TRMT61A: variants seen among roughly 807,000 people sequenced by gnomAD.
TRMT61A encodes tRNA methyltransferase 61A, also known as tRNA (adenine(58)-N(1))-methyltransferase catalytic subunit TRMT61A.
TRMT61A carries 15 observed loss-of-function variants against 21.3 expected under a neutral mutation model. That is an observed-to-expected ratio of 0.70 (90% CI 0.47 to 1.08). The LOEUF is 1.08. Among genes scored for constraint, TRMT61A ranks in the 50% least tolerant of loss-of-function variants. The probability of loss-of-function intolerance (pLI) is 0.00; values close to 1 mark genes in which losing one functional copy is unlikely to be tolerated. For missense variants in TRMT61A, 352 were observed against 426.7 expected (o/e 0.83, Z 1.54); for synonymous variants, 183 against 185.5 (o/e 0.99, Z 0.11).
chr14:103,532,916 C>G, intron 3 of TRMT61A, 68 bp downstream of exon 3: 1 of 1,482,624 alleles, frequency 6.7e-7, no homozygotes, highest in Non-Finnish European at 9.0e-7. Flanking sequence ...GACTGAGCTC[C>G]TGGGATCTCA....
At position 103,535,266 on chromosome 14, in the gene TRMT61A, C is replaced by T. The variant is rs2075969945; in HGVS notation, c.*445C>T. 2.2e-6 allele frequency: 1 copy of T among 453,290 alleles called. No individual in the cohort carries two copies. Among genetic ancestry groups the T allele is most frequent in the South Asian group, 1.6e-5 (1 of 63,398 alleles). 28.1% of individuals were successfully genotyped at this position (453,290 alleles called of 1,614,324 possible). ...CCACGGGGCCTGAGACCATCTCGTG[C>T]TTCTCCAGTCCCCGGGCCGAGGCTC... On this transcript the variant is annotated 3_prime_UTR_variant, in exon 4 of 4. Coordinates refer to ENST00000389749, the MANE Select transcript of TRMT61A (RefSeq NM_152307.3).
At position 103,536,451 on chromosome 14, in the gene TRMT61A, T is replaced by G. The variant is rs1486495780; in HGVS notation, c.*1630T>G. The G allele has an allele frequency of 6.6e-6, 1 of 152,270 alleles. No individual in the cohort carries two copies. Among genetic ancestry groups the G allele is most frequent in the African/African-American group, 2.4e-5 (1 of 41,442 alleles). The allele number at this position is 152,270 out of a possible 1,614,324, so 9.4% of individuals were successfully genotyped here. A position where few individuals can be genotyped will look rare whatever the true frequency, so the allele number is the denominator to read the frequency against. ...AGTTGCTCAGCCCTGCTCCGAGGGC[T>G]TGTCCTCTCCTTCCAGGACCCAGCT... On this transcript the variant is annotated 3_prime_UTR_variant, in exon 4 of 4. Transcript: ENST00000389749.
At position 103,534,660 on chromosome 14, in the gene TRMT61A, G is replaced by C; in HGVS notation, c.709G>C (p.Val237Leu). The change falls in exon 4 of 4, where the codon GTC becomes CTC. Residue 237 changes from valine to leucine, a missense_variant. Transcript: ENST00000389749. ...GAGCACCCTGGAGGTGCTGCCACAG[G>C]TCTACAACGTGCGCACTGTCAGCCT... ...ELSTLEVLPQVYNVRTVSLPP... is the reference protein window; with the variant it reads ...ELSTLEVLPQLYNVRTVSLPP... The C allele has an allele frequency of 6.2e-7, 1 of 1,611,210 alleles. No homozygotes were observed. The highest frequency in any genetic ancestry group is 8.5e-7 in the Non-Finnish European group (1 of 1,179,714).
rs561568871 is a variant in TRMT61A, at chr14:103,534,622, G to T, written c.671G>T (p.Gly224Val). 4 of 1,606,992 alleles carry T rather than the reference G, an allele frequency of 2.5e-6. No individual in the cohort carries two copies. In the African/African-American group the frequency reaches 5.3e-5, roughly 21 times the overall value. The change falls in exon 4 of 4, where the codon GGC (glycine) becomes GTC (valine). Residue 224 changes from glycine to valine, a missense_variant. Coordinates refer to ENST00000389749, the MANE Select transcript of TRMT61A (RefSeq NM_152307.3). Reference protein sequence around the residue: ...QRTCQALAARGFSELSTLEVL... With the variant: ...QRTCQALAARVFSELSTLEVL... Reference sequence around the variant, plus strand: ...ACATGCCAGGCGCTGGCAGCGCGCGGCTTCTCAGAGCTGAGCACCCTGGAG... The same window carrying T: ...ACATGCCAGGCGCTGGCAGCGCGCGTCTTCTCAGAGCTGAGCACCCTGGAG...
chr14:103,532,348 G>A (rs2142239741), intron 2 of TRMT61A, among the ~76,000 whole-genome samples: 1 of 152,170 alleles, frequency 6.6e-6, no homozygotes, highest in East Asian at 1.9e-4. Context: ...AGACAGCACG[G>A]CATACACAGC....
chr14:103,529,876 G>A (rs2075947601), intron 1 of TRMT61A, 74 bp from the exon 2 acceptor site: 1 of 1,186,914 alleles, frequency 8.4e-7, no homozygotes, highest in Non-Finnish European at 1.2e-6. Context: ...TGTAGGCCTC[G>A]AAGCCTTCTA....
In TRMT61A at chr14:103,530,158, C is replaced by T. The variant is rs755843586; in HGVS notation, c.180C>T (p.Cys60=). The T allele has an allele frequency of 2.0e-5, 32 of 1,612,600 alleles. 1 individual carries two copies. In the South Asian group the frequency reaches 3.1e-4, roughly 15 times the overall value. ...GCCCCTTCGGCTCCAAGGTGACGTG[C>T]GGCCGAGGTGGCTGGGTGTATGTGC... ...IGRPFGSKVT[C]GRGGWVYVLH... Residue 60 remains cysteine (C), a synonymous_variant, in exon 2 of 4, where the codon TGC becomes TGT. Coordinates refer to ENST00000389749, the MANE Select transcript of TRMT61A (RefSeq NM_152307.3).
chr14:103,533,263 G>A (rs528455209), intron 3 of TRMT61A, among the ~76,000 whole-genome samples: 1 of 152,346 alleles, frequency 6.6e-6, no homozygotes, highest in South Asian at 2.1e-4. Context: ...GGGAAGGTCG[G>A]GCCTCAAGCC....
chr14:103,530,421 C>G, intron 2 of TRMT61A, 112 bp downstream of exon 2: 1 of 976,778 alleles, frequency 1.0e-6, no homozygotes, highest in Non-Finnish European at 1.5e-6. Context: ...TTTCTATTTT[C>G]ACATCTTTCC....
chr14:103,534,726 G>A lies in TRMT61A; in HGVS notation c.775G>A (p.Gly259Ser), dbSNP rs763853129. 9.4e-6 allele frequency: 15 copies of A among 1,603,770 alleles called. No individual in the cohort carries two copies. Among genetic ancestry groups the A allele is most frequent in the Middle Eastern group, 1.6e-4 (1 of 6,072 alleles). ...GGGCACAGGCACAGATGGCCCTGCC[G>A]GCTCCGACACCAGCCCCTTCCGCAG... Reference protein sequence around the residue: ...DLGTGTDGPAGSDTSPFRSGT... With the variant: ...DLGTGTDGPASSDTSPFRSGT... Residue 259 changes from glycine to serine, a missense_variant, in exon 4 of 4, where the codon GGC (glycine) becomes AGC (serine). Gly to Ser is a moderately conservative substitution (Grantham distance 56). Coordinates refer to ENST00000389749, the MANE Select transcript of TRMT61A (RefSeq NM_152307.3).
In TRMT61A at chr14:103,533,358, G is replaced by A. The variant is rs567176226; in HGVS notation, c.598+510G>A. On this transcript the variant is annotated intron_variant, in intron 3 of 3. Transcript: ENST00000389749. ...AGCAGGGGCCCCTTCCTTCTTCCCA[G>A]CTGAGAGTTGTATTCTGAGAGGGTT... is the stretch of plus-strand genomic sequence containing the variant. Among the ~76,000 whole-genome samples the A allele has an allele frequency of 1.1e-4, 16 of 152,212 alleles. No individual in the cohort carries two copies. The South Asian group carries it at 3.1e-3, about 30-fold the overall frequency.
At chr14:103,529,629 G>A (rs996226141) in intron 1 of TRMT61A, among the ~76,000 whole-genome samples, 1 of 152,252 alleles carries the variant, frequency 6.6e-6, no homozygotes, top group East Asian at 1.9e-4. Flanking sequence ...TCAAGCTCCT[G>A]GAGAAGGGTG....
chr14:103,529,439 C>T (rs986714083), intron 1 of TRMT61A, among the ~76,000 whole-genome samples, 178 bp downstream of exon 1: 3 of 152,388 alleles, frequency 2.0e-5, no homozygotes, highest in Admixed American at 6.5e-5. Flanking sequence ...CTCCGCGTCC[C>T]CAGCCCCTTA....
At position 103,531,113 on chromosome 14, in the gene TRMT61A, C is replaced by T. The variant is rs1230684213; in HGVS notation, c.331+804C>T. 3.9e-5 allele frequency among the ~76,000 whole-genome samples: 6 copies of T among 152,294 alleles called. No individual in the cohort carries two copies. The highest frequency in any genetic ancestry group is 6.5e-5 in the Admixed American group (1 of 15,308). ...CCTCTCCGCCCCTGCCCCACTCTCG[C>T]GAGAGAGCTCAATCAAGCAGCACCT... On this transcript the variant is annotated intron_variant, in intron 2 of 3. Transcript: ENST00000389749. The surrounding 1 kb of genome is among the most constrained non-coding windows in gnomAD (Gnocchi z 5.1).
chr14:103,534,809 G>C lies in TRMT61A; in HGVS notation c.858G>C (p.Lys286Asn). ...GHTGYLTFAT[K>N]TPG ...CCGGCTACCTGACCTTCGCCACCAAGACCCCAGGCTAGGGGGCCGCCTCCC... is the reference window on the plus strand; with the variant it reads ...CCGGCTACCTGACCTTCGCCACCAACACCCCAGGCTAGGGGGCCGCCTCCC... The change falls in exon 4 of 4, where the codon AAG becomes AAC. Residue 286 changes from lysine (K) to asparagine (N), a missense_variant. Physicochemically the swap from Lys to Asn is moderately conservative, Grantham distance 94. Transcript: ENST00000389749. 6.4e-7 allele frequency: 1 copy of C among 1,552,742 alleles called. No individual in the cohort carries two copies. The highest frequency in any genetic ancestry group is 8.7e-7 in the Non-Finnish European group (1 of 1,152,136).
chr14:103,534,851 G>A lies in TRMT61A; in HGVS notation c.*30G>A. ...CCGCCTCCCAGGGCACCAGGGAGCT[G>A]GGAGCACTGAAGGGCTGGGCAGGGA... On this transcript the variant is annotated 3_prime_UTR_variant, in exon 4 of 4. Transcript: ENST00000389749. 1 of 1,535,130 alleles carries A rather than the reference G, an allele frequency of 6.5e-7. No individual in the cohort carries two copies. Among genetic ancestry groups the A allele is most frequent in the Non-Finnish European group, 8.7e-7 (1 of 1,143,460 alleles).
intron 2 of TRMT61A, 43 bp from the exon 3 acceptor site, chr14:103,532,539 C>T (rs1231399041): frequency 6.2e-7 from 1 of 1,611,714 alleles, no homozygotes; most frequent in African/African-American, 1.3e-5. Context: ...GGGTCCCGAG[C>T]AGTCCCAACT....
chr14:103,533,859 C>T (rs2075963528), intron 3 of TRMT61A, among the ~76,000 whole-genome samples: 2 of 152,236 alleles, frequency 1.3e-5, no homozygotes, highest in South Asian at 2.1e-4. Flanking sequence ...CAGGTGCCTC[C>T]TCTAACCCCG....
rs542902305 is a variant in TRMT61A, at chr14:103,532,856, C to T, written c.598+8C>T. 1.5e-5 allele frequency: 16 copies of T among 1,038,920 alleles called. No individual in the cohort carries two copies. The highest frequency in any genetic ancestry group is 9.7e-5 in the African/African-American group (6 of 62,140). 64.4% of individuals were successfully genotyped at this position (1,038,920 alleles called of 1,614,324 possible). Reference sequence around the variant, plus strand: ...ACGCCCTCAAGGTCGAAGGTGCATCCGGGGTTCCGGGAGAGGTACAGCCTG... The same window carrying T: ...ACGCCCTCAAGGTCGAAGGTGCATCTGGGGTTCCGGGAGAGGTACAGCCTG... On this transcript the variant is annotated splice_region_variant and intron_variant, in intron 3 of 3. Coordinates refer to ENST00000389749, the MANE Select transcript of TRMT61A (RefSeq NM_152307.3).
Sources: gnomAD v4.1 joint callset for allele counts (sites outside exome capture counted in the v4.1 genomes callset) on GRCh38, gnomAD v4.1.1 for gene constraint, Gnocchi (gnomAD v3.1) non-coding constraint, MANE v1.5 for transcripts, NCBI Gene and HGNC (gene_info 2026-07-23, HGNC 2026-07-21) for gene names.